Variants in IGSF21 observed in about 807,000 individuals in gnomAD.
The protein encoded by IGSF21 is immunoglobulin superfamily member 21.
In IGSF21, 28 loss-of-function variants were observed where a neutral mutation model predicts 46.8. The observed-to-expected ratio is 0.60, with a 90% CI of 0.44 to 0.82. The LOEUF (loss-of-function observed/expected upper bound fraction) is 0.82. Among genes scored for constraint, IGSF21 ranks in the 40% least tolerant of loss-of-function variants. The probability of loss-of-function intolerance (pLI) is 0.00; values close to 1 mark genes in which losing one functional copy is unlikely to be tolerated. For missense variants in IGSF21, 624 were observed against 665.5 expected (o/e 0.94, Z 0.69); for synonymous variants, 284 against 273.6 (o/e 1.04, Z -0.38).
intron 3 of IGSF21, among the ~76,000 whole-genome samples, chr1:18,313,462 A>G (rs903610606): frequency 2.0e-5 from 3 of 152,190 alleles, no homozygotes; most frequent in African/African-American, 7.2e-5. Context: ...CATCTCTAAA[A>G]TGGACATGAT....
intron 1 of IGSF21, among the ~76,000 whole-genome samples, chr1:18,134,637 C>T (rs932273815): frequency 3.9e-5 from 6 of 152,184 alleles, no homozygotes; most frequent in Admixed American, 2.0e-4. Flanking sequence ...GGCCTGGCCT[C>T]CTCAGTGCCC....
chr1:18,229,997 G>A (rs955847271), intron 2 of IGSF21, among the ~76,000 whole-genome samples: 9 of 152,220 alleles, frequency 5.9e-5, no homozygotes, highest in Admixed American at 4.6e-4. Context: ...TTGGAGATGG[G>A]AAAATAGCAG....
intron 2 of IGSF21, among the ~76,000 whole-genome samples, chr1:18,281,000 C>T (rs1395475976): frequency 1.3e-5 from 2 of 152,184 alleles, no homozygotes; most frequent in Admixed American, 1.3e-4. Context: ...TGAGCGAGCA[C>T]CTGCTGCTAA....
chr1:18,118,911 C>T (rs1428106286), intron 1 of IGSF21, among the ~76,000 whole-genome samples: 1 of 146,536 alleles, frequency 6.8e-6, no homozygotes, highest in Admixed American at 6.8e-5. Context: ...TCCCTCCCTC[C>T]CTCCCTCCCT....
chr1:18,138,008 A>T (rs1267826660), intron 1 of IGSF21, among the ~76,000 whole-genome samples: 2 of 152,250 alleles, frequency 1.3e-5, no homozygotes, highest in Admixed American at 6.5e-5. Context: ...TGGCGATAGA[A>T]GCCAGGGCCA....
chr1:18,162,916 AGAG>A (rs1163458082), intron 1 of IGSF21, among the ~76,000 whole-genome samples: 1 of 152,256 alleles, frequency 6.6e-6, no homozygotes, highest in African/African-American at 2.4e-5. Flanking sequence ...GTTGAAACCC[AGAG>A]GAGTCTTTGG....
chr1:18,168,990 C>G (rs2086708308), intron 1 of IGSF21, among the ~76,000 whole-genome samples: 1 of 152,198 alleles, frequency 6.6e-6, no homozygotes, highest in Admixed American at 6.5e-5. Context: ...GTAGGGGGCT[C>G]AGAGTGTCTG....
intron 4 of IGSF21, among the ~76,000 whole-genome samples, chr1:18,346,423 C>T (rs2085893700): frequency 6.6e-6 from 1 of 152,074 alleles, no homozygotes; most frequent in African/African-American, 2.4e-5. Context: ...AAATGCTTGG[C>T]CCAGATGCTG....
intron 1 of IGSF21, among the ~76,000 whole-genome samples, chr1:18,216,798 G>GT (rs2124496053): frequency 6.6e-6 from 1 of 152,254 alleles, no homozygotes; most frequent in African/African-American, 2.4e-5. Context: ...ATGGAAGAGT[G>GT]TATTTCACAG....
intron 2 of IGSF21, among the ~76,000 whole-genome samples, chr1:18,285,143 G>A (rs540771847): frequency 3.9e-5 from 6 of 151,978 alleles, no homozygotes; most frequent in African/African-American, 1.4e-4. Context: ...GGAAAACAAA[G>A]AGAAGGAGGT....
At position 18,376,939 on chromosome 1, in the gene IGSF21, C is replaced by G. The variant is rs758207598; in HGVS notation, c.1241C>G (p.Thr414Ser). ...AELNGSMYRC[T>S]AQNPLGSTDT... ...CTCAATGGCTCCATGTATCGCTGCA[C>G]CGCCCAGAACCCACTGGGCTCCACC... Residue 414 changes from threonine (T) to serine (S), a missense_variant, in exon 8 of 10, where the codon ACC (threonine) becomes AGC (serine). By Grantham distance (58) the Thr-to-Ser change is moderately conservative. Coordinates refer to ENST00000251296, the MANE Select transcript of IGSF21 (RefSeq NM_032880.5). 1.2e-6 allele frequency: 2 copies of G among 1,606,734 alleles called. No homozygotes were observed. The highest frequency in any genetic ancestry group is 1.7e-6 in the Non-Finnish European group (2 of 1,174,076).
intron 1 of IGSF21, among the ~76,000 whole-genome samples, chr1:18,170,403 C>T (rs922403530): frequency 6.6e-6 from 1 of 151,928 alleles, no homozygotes; most frequent in Non-Finnish European, 1.5e-5. Context: ...GGCTATAGGC[C>T]CCAAAGACCT....
At chr1:18,261,876 G>T (rs887082720) in intron 2 of IGSF21, among the ~76,000 whole-genome samples, 10 of 152,226 alleles carry the variant, frequency 6.6e-5, no homozygotes, top group Non-Finnish European at 1.2e-4. Context: ...GGGAAGTATT[G>T]TCAGGGGAGT....
At chr1:18,355,505 C>T (rs1000760310) in intron 4 of IGSF21, among the ~76,000 whole-genome samples, 1 of 152,104 alleles carries the variant, frequency 6.6e-6, no homozygotes, top group African/African-American at 2.4e-5. Context: ...TGGAGGTTGG[C>T]TGTGACATAC....
At chr1:18,226,531 T>TA (rs1557596433) in intron 1 of IGSF21, among the ~76,000 whole-genome samples, 1 of 152,158 alleles carries the variant, frequency 6.6e-6, no homozygotes, top group Non-Finnish European at 1.5e-5. Context: ...TGGCCTAAGT[T>TA]ACAGGCCTCC....
At chr1:18,218,991 A>G (rs1286744405) in intron 1 of IGSF21, among the ~76,000 whole-genome samples, 4 of 152,244 alleles carry the variant, frequency 2.6e-5, no homozygotes, top group African/African-American at 9.6e-5. Context: ...CAGAGGAAAG[A>G]ATCAGTGAAC....
At chr1:18,374,132 G>A (rs545771257) in intron 6 of IGSF21, among the ~76,000 whole-genome samples, 9 of 152,302 alleles carry the variant, frequency 5.9e-5, no homozygotes, top group South Asian at 2.1e-4. Context: ...CCTGAAGAAC[G>A]TAAAGAGCCC....
At chr1:18,206,074 A>G (rs948651675) in intron 1 of IGSF21, among the ~76,000 whole-genome samples, 9 of 152,258 alleles carry the variant, frequency 5.9e-5, no homozygotes, top group African/African-American at 2.2e-4. Flanking sequence ...GATAAATTTT[A>G]AATATGGTGT....
chr1:18,376,054 C>G (rs947437511), intron 6 of IGSF21: 8 of 406,152 alleles, frequency 2.0e-5, no homozygotes, highest in African/African-American at 1.2e-4. Context: ...TGTGAACCCC[C>G]CAAGAGCAGG....
Sources: allele counts gnomAD v4.1 joint callset (sites outside exome capture counted in the v4.1 genomes callset), GRCh38; gene constraint gnomAD v4.1.1; transcripts MANE v1.5; gene names NCBI Gene and HGNC (gene_info 2026-07-23, HGNC 2026-07-21).